The following CCDC171 variants were observed in gnomAD, a reference collection of about 807,000 sequenced individuals.
CCDC171 encodes the protein coiled-coil domain containing 171.
CCDC171 carries 177 observed loss-of-function variants against 168.2 expected under a neutral mutation model. The ratio of observed to expected loss-of-function variants is 1.05; its 90% confidence interval spans 0.93 to 1.19. CCDC171 has a LOEUF of 1.19. Ranked by LOEUF, CCDC171 falls within the 50% of genes most tolerant of loss-of-function variation. The probability of loss-of-function intolerance (pLI) is 0.00; values close to 1 mark genes in which losing one functional copy is unlikely to be tolerated. For missense variants in CCDC171, 1,991 were observed against 1,539.0 expected, an observed-to-expected ratio of 1.29 and a Z score of -4.91; for synonymous variants, 687 against 540.8, an observed-to-expected ratio of 1.27 and a Z score of -3.75.
At chr9:16,072,392 A>G in the CCDC171 span, among the ~76,000 whole-genome samples, 1 of 152,132 alleles carries the variant, frequency 6.6e-6, no homozygotes, top group Non-Finnish European at 1.5e-5. Flanking sequence ...TTTAAACTCA[A>G]TACTTGCATT....
At position 15,673,153 on chromosome 9, in the gene CCDC171, G is replaced by GCTTC. The variant is rs548330818; in HGVS notation, c.1077-5605_1077-5604insCTTC. 5.6e-3 allele frequency among the ~76,000 whole-genome samples: 856 copies of GCTTC among 151,972 alleles called. 10 individuals carry two copies. The highest frequency in any genetic ancestry group is 0.02 in the African/African-American group (825 of 41,510). ...GAGTTCACTCATGAATTGGCTGTCT[G>GCTTC]TCTGTTATTGGTGTATAAGAATGCT... On this transcript the variant is annotated intron_variant, in intron 9 of 25. Coordinates refer to ENST00000380701, the MANE Select transcript of CCDC171 (RefSeq NM_173550.4).
At chr9:15,604,540 C>T (rs1405227925) in intron 6 of CCDC171, among the ~76,000 whole-genome samples, 1 of 152,090 alleles carries the variant, frequency 6.6e-6, no homozygotes, top group Non-Finnish European at 1.5e-5. Flanking sequence ...CCTTATTCAT[C>T]GACTAAATTT....
At position 16,048,620 on chromosome 9, in the gene CCDC171, C is replaced by A. The variant is rs1236062097; in HGVS notation, n.89+5734C>A. Among the ~76,000 whole-genome samples, 2 of 152,094 alleles carry A rather than the reference C, an allele frequency of 1.3e-5. 1 individual carries two copies. Among genetic ancestry groups the A allele is most frequent in the Non-Finnish European group, 2.9e-5 (2 of 68,016 alleles). ...AGTTCTGCCATTGCCATTTAGTAGC[C>A]AGTGTAACTTTAGGTGAGTGGCTTT... On this transcript the variant is annotated intron_variant and non_coding_transcript_variant, in intron 1 of 1. Transcript: ENST00000478913.
chr9:15,696,306 C>T (rs941872276), intron 11 of CCDC171, among the ~76,000 whole-genome samples: 1 of 152,200 alleles, frequency 6.6e-6, no homozygotes, highest in Non-Finnish European at 1.5e-5. Flanking sequence ...GTAGATTTCT[C>T]AGTTGGTAAG....
At chr9:15,917,823 G>C (rs1249978922) in intron 24 of CCDC171, among the ~76,000 whole-genome samples, 3 of 151,612 alleles carry the variant, frequency 2.0e-5, no homozygotes, top group African/African-American at 4.8e-5. Context: ...TGATGGAAGG[G>C]AACTTTCTTA....
chr9:16,027,390 A>G (rs1833294538), intron 6 of CCDC171, among the ~76,000 whole-genome samples: 1 of 152,176 alleles, frequency 6.6e-6, no homozygotes, highest in Non-Finnish European at 1.5e-5. Flanking sequence ...ATGACTGCAG[A>G]GAGGCACTGA....
At chr9:15,672,722 G>T (rs565102438) in intron 9 of CCDC171, among the ~76,000 whole-genome samples, 2 of 152,100 alleles carry the variant, frequency 1.3e-5, no homozygotes, top group Non-Finnish European at 2.9e-5. Flanking sequence ...ATCTGTTTTG[G>T]TACCAGTACC....
At chr9:15,993,779 G>C (rs1832282785) in intron 3 of CCDC171, among the ~76,000 whole-genome samples, 1 of 152,172 alleles carries the variant, frequency 6.6e-6, no homozygotes, top group Non-Finnish European at 1.5e-5. Context: ...AAGTGGCAAA[G>C]GATATGAACA....
chr9:16,106,841 C>G, the CCDC171 span, among the ~76,000 whole-genome samples: 1 of 152,154 alleles, frequency 6.6e-6, no homozygotes, highest in African/African-American at 2.4e-5. Flanking sequence ...CCAGCACACT[C>G]AGGGTTTTCC....
At chr9:15,643,701 T>C (rs1474093922) in intron 7 of CCDC171, among the ~76,000 whole-genome samples, 4 of 152,206 alleles carry the variant, frequency 2.6e-5, no homozygotes, top group African/African-American at 9.6e-5. Context: ...AAATTTCATA[T>C]ACATTAGCAG....
At position 15,886,598 on chromosome 9, in the gene CCDC171, GC is replaced by G. The variant is rs1206585713; in HGVS notation, c.3600+11936del. On this transcript the variant is annotated intron_variant, in intron 24 of 25. Transcript: ENST00000380701. ...AAAAATAGAACTACCATATGATCCA[GC>G]AATCCTACTTCTGGGTATACATCAA... The G allele has an allele frequency of 9.2e-5, 14 of 152,238 alleles. No individual in the cohort carries two copies. In the East Asian group the frequency reaches 2.5e-3, roughly 27 times the overall value. 9.4% of individuals were successfully genotyped at this position (152,238 alleles called of 1,614,324 possible). A position where few individuals can be genotyped will look rare whatever the true frequency, so the allele number is the denominator to read the frequency against.
intron 1 of CCDC171, among the ~76,000 whole-genome samples, chr9:16,055,806 T>G (rs535394674): frequency 6.6e-6 from 1 of 152,252 alleles, no homozygotes; most frequent in Non-Finnish European, 1.5e-5. Flanking sequence ...TTATTCCTGA[T>G]GCTCCCAGAT....
At chr9:15,989,581 G>A (rs991984157) in intron 3 of CCDC171, among the ~76,000 whole-genome samples, 2 of 152,150 alleles carry the variant, frequency 1.3e-5, no homozygotes, top group Admixed American at 6.5e-5. Flanking sequence ...GATGGAGAAT[G>A]ACTTTGACGA....
At chr9:15,594,759 T>G (rs1245313371) in intron 6 of CCDC171, among the ~76,000 whole-genome samples, 1 of 152,148 alleles carries the variant, frequency 6.6e-6, no homozygotes, top group African/African-American at 2.4e-5. Context: ...GAATTCTCAC[T>G]CCAGTGTACT....
At chr9:15,924,142 G>C (rs775456796) in intron 25 of CCDC171, among the ~76,000 whole-genome samples, 4 of 151,492 alleles carry the variant, frequency 2.6e-5, no homozygotes, top group Non-Finnish European at 5.9e-5. Flanking sequence ...GCTCCAAACA[G>C]ATTTCTGCTT....
chr9:15,855,725 A>G (rs2061324760), intron 23 of CCDC171, among the ~76,000 whole-genome samples: 1 of 151,618 alleles, frequency 6.6e-6, no homozygotes, highest in Non-Finnish European at 1.5e-5. Flanking sequence ...TCTTAGTGTT[A>G]CCCTTGGTGA....
At position 15,664,698 on chromosome 9, in the gene CCDC171, T is replaced by TG. The variant is rs539526323; in HGVS notation, c.916-1465_916-1464insG. 2.2e-3 allele frequency among the ~76,000 whole-genome samples: 313 copies of TG among 143,144 alleles called. 9 individuals are homozygous for TG. Among genetic ancestry groups the TG allele is most frequent in the East Asian group, 3.7e-3 (18 of 4,922 alleles). 93.9% of individuals were successfully genotyped at this position (143,144 alleles called of 152,430 possible). A position where few individuals can be genotyped will look rare whatever the true frequency, so the allele number is the denominator to read the frequency against. On this transcript the variant is annotated intron_variant, in intron 8 of 25. Transcript: ENST00000380701. ...GGACACAGGGAATATAGTTTTGTTT[T>TG]TTTTTTTTTTTTTTTTTGAGACGGA...
intron 10 of CCDC171, among the ~76,000 whole-genome samples, chr9:15,687,489 G>T (rs890488015): frequency 6.6e-6 from 1 of 151,058 alleles, no homozygotes; most frequent in Non-Finnish European, 1.5e-5. Flanking sequence ...AGAAAAAGAA[G>T]AGCAAACTAA....
the CCDC171 span, among the ~76,000 whole-genome samples, chr9:16,088,346 A>G: frequency 2.0e-5 from 3 of 152,368 alleles, no homozygotes; most frequent in Non-Finnish European, 4.4e-5. Flanking sequence ...CTCCTATTCA[A>G]CATAGTACTG....
Sources: allele counts gnomAD v4.1 joint callset (sites outside exome capture counted in the v4.1 genomes callset), GRCh38; gene constraint gnomAD v4.1.1; transcripts MANE v1.5; gene names NCBI Gene and HGNC (gene_info 2026-07-23, HGNC 2026-07-21).